Variants in CACNG3 observed in about 807,000 individuals in gnomAD.
CACNG3 encodes the protein voltage-dependent calcium channel gamma-3 subunit.
A neutral mutation model predicts 28.5 loss-of-function variants in CACNG3; 3 were observed. That is an observed-to-expected ratio of 0.11 (90% CI 0.05 to 0.27). The LOEUF is 0.27. CACNG3 is among the 10% of genes least tolerant of loss of function. CACNG3 has a pLI of 1.00. For missense variants in CACNG3, 236 were observed against 414.4 expected (o/e 0.57, Z 3.74); for synonymous variants, 174 against 162.2 (o/e 1.07, Z -0.55).
chr16:24,326,640 G>A (rs1899549169), intron 1 of CACNG3, among the ~76,000 whole-genome samples: 1 of 152,190 alleles, frequency 6.6e-6, no homozygotes, highest in Non-Finnish European at 1.5e-5. Flanking sequence ...ACTGTAGCCA[G>A]GAGAATTTAG....
At chr16:24,270,688 G>T (rs941128373) in intron 1 of CACNG3, among the ~76,000 whole-genome samples, 6 of 152,234 alleles carry the variant, frequency 3.9e-5, no homozygotes, top group Admixed American at 2.0e-4. Flanking sequence ...CTGGGGCTCA[G>T]CTGCAGTGAC....
At chr16:24,278,283 C>T (rs1246659818) in intron 1 of CACNG3, among the ~76,000 whole-genome samples, 1 of 152,012 alleles carries the variant, frequency 6.6e-6, no homozygotes, top group Non-Finnish European at 1.5e-5. Flanking sequence ...AAGACAGAGC[C>T]TTGGGGGAAC....
chr16:24,293,017 A>C lies in CACNG3; in HGVS notation c.211+36052A>C, dbSNP rs182676641. ...GACATTTATCCAATCACTTGAGTCC[A>C]TTCCATCACAGACACCTGACTCTTG... On this transcript the variant is annotated intron_variant, in intron 1 of 3. Coordinates refer to ENST00000005284, the MANE Select transcript of CACNG3 (RefSeq NM_006539.4). 1.6e-3 allele frequency among the ~76,000 whole-genome samples: 250 copies of C among 152,374 alleles called. 1 individual carries two copies. The highest frequency in any genetic ancestry group is 2.8e-3 in the Non-Finnish European group (191 of 68,038).
At chr16:24,261,925 A>T (rs1170157342) in intron 1 of CACNG3, among the ~76,000 whole-genome samples, 1 of 152,192 alleles carries the variant, frequency 6.6e-6, no homozygotes, top group East Asian at 1.9e-4. Flanking sequence ...AGCTGCAAAG[A>T]TGTGGTTGAG....
rs578120271 is a variant in CACNG3, at chr16:24,312,502, C to T, written c.212-34232C>T. Among the ~76,000 whole-genome samples the T allele has an allele frequency of 4.6e-5, 7 of 152,168 alleles. No individual in the cohort carries two copies. In the South Asian group the frequency reaches 1.2e-3, roughly 27 times the overall value. ...TGATAATAATAGTTATCTTCTGGAG[C>T]TGTTGTGAGGACTAAATGAAAGTAT... On this transcript the variant is annotated intron_variant, in intron 1 of 3. Coordinates refer to ENST00000005284, the MANE Select transcript of CACNG3 (RefSeq NM_006539.4).
At chr16:24,336,834 A>G (rs559508899) in intron 1 of CACNG3, among the ~76,000 whole-genome samples, 1 of 151,954 alleles carries the variant, frequency 6.6e-6, no homozygotes, top group East Asian at 1.9e-4. Flanking sequence ...TTGTTTTGTT[A>G]TATAGAGTCT....
intron 1 of CACNG3, among the ~76,000 whole-genome samples, chr16:24,258,580 A>G (rs1397333485): frequency 6.6e-6 from 1 of 152,244 alleles, no homozygotes; most frequent in Non-Finnish European, 1.5e-5. Flanking sequence ...CTAAACAATG[A>G]CAAAAGTTGG....
Position 24,347,222 on chromosome 16 carries a change from G to A in CACNG3, c.295+405G>A, listed in dbSNP as rs576081015. 2.6e-5 allele frequency among the ~76,000 whole-genome samples: 4 copies of A among 152,296 alleles called. No homozygotes were observed. The East Asian group carries it at 5.8e-4, about 22-fold the overall frequency. On this transcript the variant is annotated intron_variant, in intron 2 of 3. Transcript: ENST00000005284. ...AGTCCTAGCTACTCAGGAGGCTAAGGTGGGAGGATCATTTAAGCCCAGGGG... is the reference window on the plus strand; with the variant it reads ...AGTCCTAGCTACTCAGGAGGCTAAGATGGGAGGATCATTTAAGCCCAGGGG...
chr16:24,306,109 T>C (rs911030672), intron 1 of CACNG3, among the ~76,000 whole-genome samples: 2 of 152,186 alleles, frequency 1.3e-5, no homozygotes, highest in African/African-American at 4.8e-5. Flanking sequence ...CAGGTGAACT[T>C]TCTTCCTCTG....
At chr16:24,335,529 G>A (rs966232209) in intron 1 of CACNG3, among the ~76,000 whole-genome samples, 5 of 152,138 alleles carry the variant, frequency 3.3e-5, no homozygotes, top group African/African-American at 9.7e-5. Context: ...TGCACTTGAC[G>A]AACACTGACT....
At chr16:24,294,568 A>G (rs2071639348) in intron 1 of CACNG3, among the ~76,000 whole-genome samples, 1 of 152,212 alleles carries the variant, frequency 6.6e-6, no homozygotes, top group African/African-American at 2.4e-5. Flanking sequence ...AACTCCTGAC[A>G]GGAACAAACA....
rs1176196941 is a variant in CACNG3 at position 24,354,858 on chromosome 16, C to T, written c.321C>T (p.Phe107=). 1 of 1,612,258 alleles carries T rather than the reference C, an allele frequency of 6.2e-7. No homozygotes were observed. Among genetic ancestry groups the T allele is most frequent in the East Asian group, 2.2e-5 (1 of 44,870 alleles). Residue 107 remains phenylalanine (F), a synonymous_variant, in exon 3 of 4, where the codon TTC becomes TTT. Transcript: ENST00000005284. ...GAGCTGTGAGGGCCTCCAGTGTCTT[C>T]CCCATCCTCAGTGTCACGCTGCTGT... The part of the protein sequence containing the change: ...LLRAVRASSV[F]PILSVTLLFF...
At chr16:24,317,374 T>A (rs539454512) in intron 1 of CACNG3, among the ~76,000 whole-genome samples, 1 of 151,590 alleles carries the variant, frequency 6.6e-6, no homozygotes, top group Admixed American at 6.6e-5. Context: ...AAACCCCATC[T>A]CTACTAAAAA....
intron 1 of CACNG3, among the ~76,000 whole-genome samples, chr16:24,318,765 G>C (rs1484087152): frequency 1.3e-5 from 2 of 152,180 alleles, no homozygotes; most frequent in Non-Finnish European, 1.5e-5. Flanking sequence ...AGCTGTTAAT[G>C]CTGTTCCTTG....
intron 1 of CACNG3, among the ~76,000 whole-genome samples, chr16:24,343,784 C>T (rs1899820713): frequency 6.6e-6 from 1 of 152,082 alleles, no homozygotes; most frequent in African/African-American, 2.4e-5. Context: ...ATAACATTGC[C>T]TCATTATAAC....
At chr16:24,345,649 G>C (rs533048892) in intron 1 of CACNG3, among the ~76,000 whole-genome samples, 1 of 152,202 alleles carries the variant, frequency 6.6e-6, no homozygotes, top group African/African-American at 2.4e-5. Context: ...GCAGTGAGCC[G>C]AGATCGTGCC....
At chr16:24,309,720 C>T (rs138365733) in intron 1 of CACNG3, among the ~76,000 whole-genome samples, 36 of 152,194 alleles carry the variant, frequency 2.4e-4, no homozygotes, top group African/African-American at 5.1e-4. Flanking sequence ...TGCCATGGGA[C>T]GGCAGAGAGG....
intron 1 of CACNG3, among the ~76,000 whole-genome samples, chr16:24,282,973 A>G (rs1898848989): frequency 6.6e-6 from 1 of 151,944 alleles, no homozygotes; most frequent in African/African-American, 2.4e-5. Flanking sequence ...GGTTCAAGCA[A>G]TTCTCCTGCC....
In CACNG3 at chr16:24,256,809, G is replaced by A; in HGVS notation, c.55G>A (p.Ala19Thr). The change falls in exon 1 of 4, where the codon GCC becomes ACC. Residue 19 changes from alanine to threonine, a missense_variant. Ala to Thr is a moderately conservative substitution (Grantham distance 58). This residue lies in a region of CACNG3 where 120 missense variants were observed against 263.4 expected (regional missense o/e 0.46). Coordinates refer to ENST00000005284, the MANE Select transcript of CACNG3 (RefSeq NM_006539.4). The surrounding 1 kb of genome is among the most constrained non-coding windows in gnomAD (Gnocchi z 4.6). ...QMLITTVGAF[A>T]AFSLMTIAVG... ...GTTGATCACCACTGTAGGAGCCTTTGCCGCTTTTAGTTTAATGACCATTGC... is the reference window on the plus strand; with the variant it reads ...GTTGATCACCACTGTAGGAGCCTTTACCGCTTTTAGTTTAATGACCATTGC... 1 of 1,614,004 alleles carries A rather than the reference G, an allele frequency of 6.2e-7. No homozygotes were observed. The highest frequency in any genetic ancestry group is 8.5e-7 in the Non-Finnish European group (1 of 1,179,856).
Sources: gnomAD v4.1 joint callset for allele counts (sites outside exome capture counted in the v4.1 genomes callset) on GRCh38, gnomAD v4.1.1 for gene constraint, gnomAD v4.1.1 regional missense constraint, Gnocchi (gnomAD v3.1) non-coding constraint, MANE v1.5 for transcripts, NCBI Gene and HGNC (gene_info 2026-07-23, HGNC 2026-07-21) for gene names.